The following GRIN2C variants were observed in gnomAD, a reference collection of about 807,000 sequenced individuals.
The protein encoded by GRIN2C is glutamate ionotropic receptor NMDA type subunit 2C, also known as glutamate receptor ionotropic, NMDA 2C.
Under a neutral mutation model 77.7 loss-of-function variants are expected in GRIN2C, and 64 were observed. The ratio of observed to expected loss-of-function variants is 0.82; its 90% CI spans 0.67 to 1.01. The LOEUF (loss-of-function observed/expected upper bound fraction) is 1.01. GRIN2C is among the 50% of genes least tolerant of loss of function. The probability of loss-of-function intolerance (pLI) is 0.00; values close to 1 mark genes in which losing one functional copy is unlikely to be tolerated. For synonymous variants in GRIN2C, 792 were observed against 643.4 expected (o/e 1.23, Z -3.49); for missense variants, 1,549 against 1,486.0 (o/e 1.04, Z -0.70).
At chr17:74,860,010 C>CG (rs1413950708), upstream of GRIN2C, 2 of 152,194 alleles carry the variant, frequency 1.3e-5, no homozygotes, top group Non-Finnish European at 2.9e-5. Context: ...TCCGCGGCTC[C>CG]GGGGCCCCCA....
chr17:74,860,821 G>C (rs1168029974), upstream of GRIN2C: 1 of 296,220 alleles, frequency 3.4e-6, no homozygotes, highest in East Asian at 1.1e-4. Context: ...GGCAGAGCTG[G>C]AAGGGGAAGA....
Position 74,846,169 on chromosome 17 carries a change from C to A in GRIN2C, c.2247G>T (p.Gly749=), listed in dbSNP as rs1240483779. The change falls in exon 11 of 13, where the codon GGG becomes GGT. Residue 749 remains glycine, a synonymous_variant. Coordinates refer to ENST00000293190, the MANE Select transcript of GRIN2C (RefSeq NM_000835.6). The surrounding 1 kb of genome is among the most constrained non-coding windows in gnomAD (Gnocchi z 4.4). The part of the protein sequence containing the change: ...KDEGCKLVTI[G]SGKVFATTGY... Reference sequence around the variant, plus strand: ...CAGTGGTAGCAAAGACCTTGCCAGACCCAATGGTGACCAGCTTGCAGCCCT... The same window carrying A: ...CAGTGGTAGCAAAGACCTTGCCAGAACCAATGGTGACCAGCTTGCAGCCCT... 6 of 1,614,082 alleles carry A rather than the reference C, an allele frequency of 3.7e-6. No homozygotes were observed. In the African/African-American group the frequency reaches 4.0e-5, roughly 11 times the overall value.
chr17:74,845,941 C>T, intron 11 of GRIN2C, 125 bp downstream of exon 11: 1 of 880,218 alleles, frequency 1.1e-6, no homozygotes, highest in Non-Finnish European at 1.8e-6. Flanking sequence ...TCAGCTGCCC[C>T]AACCTCTCAC....
upstream of GRIN2C, chr17:74,860,555 TC>T: frequency 2.2e-6 from 1 of 451,816 alleles, no homozygotes; most frequent in Middle Eastern, 3.7e-4. Flanking sequence ...AACAGGAGAC[TC>T]GGGGCTTCCC....
At chr17:74,853,518 T>C (rs1010408304) in intron 2 of GRIN2C, 3 of 152,128 alleles carry the variant, frequency 2.0e-5, no homozygotes, top group Non-Finnish European at 4.4e-5. Flanking sequence ...TTGAAGGAGT[T>C]TTTATTATTT....
chr17:74,847,303 A>G lies in GRIN2C; in HGVS notation c.2001+5T>C. ...CCCCACCCCCAGCAGCTATGGCCCC[A>G]CAACCTTCTTGTCACTGAGGCCCGA... On this transcript the variant is annotated splice_donor_5th_base_variant and intron_variant, in intron 9 of 12. Transcript: ENST00000293190. The surrounding 1 kb of genome is among the most constrained non-coding windows in gnomAD (Gnocchi z 5.2). 1 of 477,186 alleles carries G rather than the reference A, an allele frequency of 2.1e-6. No homozygotes were observed. Among genetic ancestry groups the G allele is most frequent in the East Asian group, 7.2e-5 (1 of 13,854 alleles). The allele number at this position is 477,186 out of a possible 1,614,324, so 29.6% of individuals were successfully genotyped here. A position where few individuals can be genotyped will look rare whatever the true frequency, so the allele number is the denominator to read the frequency against.
intron 3 of GRIN2C, 131 bp from the exon 4 acceptor site, chr17:74,851,822 C>T: frequency 1.4e-6 from 1 of 712,344 alleles, no homozygotes; most frequent in Non-Finnish European, 2.4e-6. Context: ...ATATTGGCCC[C>T]ACGATCCTTG....
rs1236221908 is a variant in GRIN2C at position 74,852,821 on chromosome 17, C to T, written c.400-210G>A. The T allele has an allele frequency of 1.4e-5, 6 of 421,386 alleles. No homozygotes were observed. In the East Asian group the frequency reaches 2.2e-4, roughly 15 times the overall value. The allele number at this position is 421,386 out of a possible 1,614,324, so 26.1% of individuals were successfully genotyped here. A position where few individuals can be genotyped will look rare whatever the true frequency, so the allele number is the denominator to read the frequency against. ...GTCATGCCCGGCCCCCAGCCCACCA[C>T]GCTGGCCCGCAGACCCGCAGCATCA... On this transcript the variant is annotated intron_variant, in intron 2 of 12. Transcript: ENST00000293190.
chr17:74,844,386 C>T lies in GRIN2C; in HGVS notation c.2473G>A (p.Ala825Thr). Reference sequence around the variant, plus strand: ...AAGACCAGCAGGGCCAGCCCCATGGCCACCAGCAGCATGTAGAAGACGCCT... The same window carrying T: ...AAGACCAGCAGGGCCAGCCCCATGGTCACCAGCAGCATGTAGAAGACGCCT... ...MAGVFYMLLV[A>T]MGLALLVFAW... Residue 825 changes from alanine (A) to threonine (T), a missense_variant, in exon 12 of 13, where the codon GCC becomes ACC. Coordinates refer to ENST00000293190, the MANE Select transcript of GRIN2C (RefSeq NM_000835.6). The T allele has an allele frequency of 6.2e-7, 1 of 1,614,210 alleles. No individual in the cohort carries two copies. The highest frequency in any genetic ancestry group is 1.1e-5 in the South Asian group (1 of 91,084).
Position 74,842,955 on chromosome 17 carries a change from G to A in GRIN2C, c.3182C>T (p.Ala1061Val). The change falls in exon 13 of 13, where the codon GCC becomes GTC. Residue 1061 changes from alanine to valine, a missense_variant. This residue lies in a region of GRIN2C where 450 missense variants were observed against 267.9 expected (regional missense o/e 1.68). Coordinates refer to ENST00000293190, the MANE Select transcript of GRIN2C (RefSeq NM_000835.6). ...DLPLLGPEQL[A>V]RREALLHAAW... ...CGCGTGCAGCAGGGCCTCCCGCCGGGCCAGCTGCTCCGGACCGAGCAGCGG... is the reference window on the plus strand; with the variant it reads ...CGCGTGCAGCAGGGCCTCCCGCCGGACCAGCTGCTCCGGACCGAGCAGCGG... 1 of 546,768 alleles carries A rather than the reference G, an allele frequency of 1.8e-6. No individual in the cohort carries two copies. Among genetic ancestry groups the A allele is most frequent in the Non-Finnish European group, 3.2e-6 (1 of 313,674 alleles). 33.9% of individuals were successfully genotyped at this position (546,768 alleles called of 1,614,324 possible). A position where few individuals can be genotyped will look rare whatever the true frequency, so the allele number is the denominator to read the frequency against.
chr17:74,843,660 A>C, intron 12 of GRIN2C, 107 bp from the exon 13 acceptor site: 2 of 1,397,082 alleles, frequency 1.4e-6, no homozygotes, highest in Non-Finnish European at 1.9e-6. Context: ...TATAAGTCTC[A>C]GGAAGTAGCT....
Position 74,852,123 on chromosome 17 carries a change from C to A in GRIN2C, c.888G>T (p.Leu296=). 1 of 1,458,830 alleles carries A rather than the reference C, an allele frequency of 6.9e-7. No homozygotes were observed. Among genetic ancestry groups the A allele is most frequent in the Non-Finnish European group, 9.0e-7 (1 of 1,105,006 alleles). The allele number at this position is 1,458,830 out of a possible 1,614,324, so 90.4% of individuals were successfully genotyped here. Residue 296 remains leucine, a synonymous_variant, in exon 3 of 13, where the codon CTG becomes CTT. Transcript: ENST00000293190. ...GCCAGTAGCTGTGGGCGCCCAGGGC[C>A]AGAATGGCCACGCCGTCGCGCACCT... ...RQKVRDGVAI[L]ALGAHSYWRQ...
chr17:74,856,772 C>T (rs1322687361), intron 1 of GRIN2C, among the ~76,000 whole-genome samples: 2 of 152,194 alleles, frequency 1.3e-5, no homozygotes, highest in East Asian at 1.9e-4. Flanking sequence ...AGCCACCACA[C>T]CCAGCTATCT....
At position 74,851,995 on chromosome 17, in the gene GRIN2C, C is replaced by A. The variant is rs747560502; in HGVS notation, c.998+18G>T. 1.5e-5 allele frequency: 22 copies of A among 1,462,328 alleles called. No individual in the cohort carries two copies. Among genetic ancestry groups the A allele is most frequent in the African/African-American group, 4.3e-5 (3 of 69,556 alleles). The allele number at this position is 1,462,328 out of a possible 1,614,324, so 90.6% of individuals were successfully genotyped here. A position where few individuals can be genotyped will look rare whatever the true frequency, so the allele number is the denominator to read the frequency against. On this transcript the variant is annotated intron_variant, in intron 3 of 12. Coordinates refer to ENST00000293190, the MANE Select transcript of GRIN2C (RefSeq NM_000835.6). ...CGCTCCCCACCTCCCTACCCCTATGCCCCGGGCAGGTGCCCACCTGTAGAA... is the reference window on the plus strand; with the variant it reads ...CGCTCCCCACCTCCCTACCCCTATGACCCGGGCAGGTGCCCACCTGTAGAA...
Position 74,849,731 on chromosome 17 carries a change from C to G in GRIN2C, c.1645+49G>C. On this transcript the variant is annotated intron_variant, in intron 7 of 12. Coordinates refer to ENST00000293190, the MANE Select transcript of GRIN2C (RefSeq NM_000835.6). This position sits in a 1 kb window ranked among gnomAD's most constrained non-coding sequence, Gnocchi z 4.6. Reference sequence around the variant, plus strand: ...CCACCCAAGCTGTACACACCCTCCTCGTGGGCCCCTCTGCCCCCGGAGCCG... The same window carrying G: ...CCACCCAAGCTGTACACACCCTCCTGGTGGGCCCCTCTGCCCCCGGAGCCG... The G allele has an allele frequency of 6.4e-7, 1 of 1,569,024 alleles. No homozygotes were observed. The highest frequency in any genetic ancestry group is 1.1e-5 in the South Asian group (1 of 88,794).
chr17:74,860,782 A>G, upstream of GRIN2C: 1 of 341,550 alleles, frequency 2.9e-6, no homozygotes, highest in South Asian at 2.2e-5. Flanking sequence ...CGCAGGAAGG[A>G]GAGAGCTAGG....
chr17:74,857,073 A>G (rs2037839587), intron 1 of GRIN2C, among the ~76,000 whole-genome samples: 1 of 152,174 alleles, frequency 6.6e-6, no homozygotes, highest in Non-Finnish European at 1.5e-5. Context: ...CCTGCCCTCC[A>G]GGAACTTAGA....
At position 74,845,186 on chromosome 17, in the gene GRIN2C, T is replaced by G. The variant is rs564777243; in HGVS notation, c.2351-678A>C. On this transcript the variant is annotated intron_variant, in intron 11 of 12. Coordinates refer to ENST00000293190, the MANE Select transcript of GRIN2C (RefSeq NM_000835.6). ...CTTAAGCAATCCTCACACCTTGGCC[T>G]CCCAAAGTGCTGGGATTACAGGTAT... 8.6e-5 allele frequency among the ~76,000 whole-genome samples: 13 copies of G among 151,364 alleles called. No individual in the cohort carries two copies. The South Asian group carries it at 1.9e-3, about 22-fold the overall frequency.
In GRIN2C at chr17:74,843,037, G is replaced by T; in HGVS notation, c.3100C>A (p.Arg1034=). ...AAGGGGCGGCCGGATCGGTCGGCTC[G>T]AGGAAAGGAGCTGTAGTGACAGCGC... The part of the protein sequence containing the change: ...PARCHYSSFP[R]ADRSGRPFLP... The change falls in exon 13 of 13, where the codon CGA becomes AGA. Residue 1034 remains arginine, a synonymous_variant. Transcript: ENST00000293190. 1 of 485,816 alleles carries T rather than the reference G, an allele frequency of 2.1e-6. No individual in the cohort carries two copies. The highest frequency in any genetic ancestry group is 3.7e-6 in the Non-Finnish European group (1 of 272,630). The allele number at this position is 485,816 out of a possible 1,614,324, so 30.1% of individuals were successfully genotyped here. A position where few individuals can be genotyped will look rare whatever the true frequency, so the allele number is the denominator to read the frequency against.
Sources: allele counts gnomAD v4.1 joint callset (sites outside exome capture counted in the v4.1 genomes callset), GRCh38; gene constraint gnomAD v4.1.1; regional missense constraint gnomAD v4.1.1; non-coding constraint Gnocchi (gnomAD v3.1); transcripts MANE v1.5; gene names NCBI Gene and HGNC (gene_info 2026-07-23, HGNC 2026-07-21).